Variants in CPNE3 observed in about 807,000 individuals in gnomAD.
CPNE3 encodes copine 3, also known as copine-3.
CPNE3 carries 68 observed loss-of-function variants against 63.9 expected under a neutral mutation model. The observed-to-expected ratio is 1.06, with a 90% CI of 0.87 to 1.30. The LOEUF is 1.30. Among genes scored for constraint, CPNE3 ranks in the 50% most tolerant of loss-of-function variants. The probability of loss-of-function intolerance (pLI) is 0.00; values close to 1 mark genes in which losing one functional copy is unlikely to be tolerated. For synonymous variants in CPNE3, 219 were observed against 197.5 expected, an observed-to-expected ratio of 1.11 and a Z score of -0.91; for missense variants, 665 against 578.1, an observed-to-expected ratio of 1.15 and a Z score of -1.54.
At chr8:86,536,734 A>C (rs2131460082) in intron 6 of CPNE3, among the ~76,000 whole-genome samples, 1 of 152,332 alleles carries the variant, frequency 6.6e-6, no homozygotes, top group East Asian at 1.9e-4. Context: ...ACGAGTATGC[A>C]CATTTCAAAA....
intron 6 of CPNE3, among the ~76,000 whole-genome samples, chr8:86,533,936 G>C (rs1285174047): frequency 6.6e-6 from 1 of 151,582 alleles, no homozygotes; most frequent in African/African-American, 2.4e-5. Context: ...TTATTCAATG[G>C]AGAAAACTGA....
chr8:86,540,970 G>C (rs1268929668), intron 8 of CPNE3, among the ~76,000 whole-genome samples: 1 of 152,096 alleles, frequency 6.6e-6, no homozygotes, highest in Non-Finnish European at 1.5e-5. Context: ...GTGGTGTTGA[G>C]AATGAAAAAT....
chr8:86,526,753 C>A (rs1434356937), intron 2 of CPNE3, among the ~76,000 whole-genome samples: 1 of 152,178 alleles, frequency 6.6e-6, no homozygotes, highest in Non-Finnish European at 1.5e-5. Flanking sequence ...CTCAAGTGAT[C>A]CACCTGCCTT....
In CPNE3 at chr8:86,558,688, G is replaced by A. The variant is rs934081683; in HGVS notation, c.*278G>A. ...TAGTGTGGGGAAAGCTTATTCTGTTGTTGTTTTTGTTTACTTTCATATGAT... is the reference window on the plus strand; with the variant it reads ...TAGTGTGGGGAAAGCTTATTCTGTTATTGTTTTTGTTTACTTTCATATGAT... On this transcript the variant is annotated 3_prime_UTR_variant, in exon 17 of 17. Transcript: ENST00000517490. 9 of 341,214 alleles carry A rather than the reference G, an allele frequency of 2.6e-5. No homozygotes were observed. Among genetic ancestry groups the A allele is most frequent in the African/African-American group, 1.5e-4 (7 of 48,164 alleles). 21.1% of individuals were successfully genotyped at this position (341,214 alleles called of 1,614,324 possible).
intron 2 of CPNE3, among the ~76,000 whole-genome samples, chr8:86,517,519 A>G (rs1219896198): frequency 1.3e-5 from 2 of 152,186 alleles, no homozygotes; most frequent in Non-Finnish European, 2.9e-5. Context: ...GTAAAGAGGA[A>G]CTTACTTATC....
chr8:86,523,349 A>T (rs116579976), intron 2 of CPNE3, among the ~76,000 whole-genome samples: 1,783 of 152,218 alleles, frequency 0.012, 44 homozygotes, highest in African/African-American at 0.041. Flanking sequence ...ACACACGCTG[A>T]CTCCAGCATT....
At chr8:86,519,696 A>AT (rs1476955421) in intron 2 of CPNE3, among the ~76,000 whole-genome samples, 10 of 152,048 alleles carry the variant, frequency 6.6e-5, no homozygotes, top group Non-Finnish European at 1.2e-4. Flanking sequence ...TTCTAGATAC[A>AT]TTTTTTTCAG....
intron 12 of CPNE3, among the ~76,000 whole-genome samples, chr8:86,549,985 C>T (rs995742443): frequency 9.2e-5 from 14 of 152,164 alleles, no homozygotes; most frequent in African/African-American, 2.4e-4. Flanking sequence ...TGGATATTGC[C>T]GGAGAGCAGC....
At chr8:86,523,837 C>T (rs553648075) in intron 2 of CPNE3, among the ~76,000 whole-genome samples, 1 of 152,300 alleles carries the variant, frequency 6.6e-6, no homozygotes, top group East Asian at 1.9e-4. Flanking sequence ...ATCCCCCTAC[C>T]TCGCCCACCC....
At position 86,544,756 on chromosome 8, in the gene CPNE3, A is replaced by G; in HGVS notation, c.650A>G (p.Tyr217Cys). The G allele has an allele frequency of 1.3e-6, 2 of 1,532,104 alleles. No homozygotes were observed. Among genetic ancestry groups the G allele is most frequent in the Non-Finnish European group, 1.8e-6 (2 of 1,136,166 alleles). 94.9% of individuals were successfully genotyped at this position (1,532,104 alleles called of 1,614,324 possible). Residue 217 changes from tyrosine (Y) to cysteine (C), a missense_variant, in exon 9 of 17, where the codon TAT (tyrosine) becomes TGT (cysteine). Transcript: ENST00000517490. Reference sequence around the variant, plus strand: ...TAATTTCAGGTGGAGTGTTATGATTATGACAATGATGGGTCACATGATCTC... The same window carrying G: ...TAATTTCAGGTGGAGTGTTATGATTGTGACAATGATGGGTCACATGATCTC... The part of the protein sequence containing the change: ...DKTIKVECYD[Y>C]DNDGSHDLIG...
At chr8:86,536,665 A>T (rs1820809818) in intron 6 of CPNE3, among the ~76,000 whole-genome samples, 1 of 152,184 alleles carries the variant, frequency 6.6e-6, no homozygotes, top group African/African-American at 2.4e-5. Context: ...ATCTGCATAT[A>T]TTCCTGTGGG....
intron 2 of CPNE3, among the ~76,000 whole-genome samples, chr8:86,517,503 G>A (rs899340587): frequency 6.6e-6 from 1 of 152,102 alleles, no homozygotes; most frequent in Non-Finnish European, 1.5e-5. Flanking sequence ...AGAGGTACCT[G>A]CAACTGTAAA....
intron 4 of CPNE3, among the ~76,000 whole-genome samples, chr8:86,529,636 C>G (rs1352508623): frequency 6.6e-6 from 1 of 152,172 alleles, no homozygotes; most frequent in East Asian, 1.9e-4. Flanking sequence ...CTATCTGGTA[C>G]TTCTCACCAT....
chr8:86,556,940 T>G (rs910903280), intron 16 of CPNE3, among the ~76,000 whole-genome samples: 1 of 152,198 alleles, frequency 6.6e-6, no homozygotes, highest in African/African-American at 2.4e-5. Flanking sequence ...GGGATTGGCT[T>G]TTTTTCCACT....
rs1371420071 is a variant in CPNE3, at chr8:86,528,991, C to G, written c.179C>G (p.Ser60Cys). Reference protein sequence around the residue: ...RIKNCLNPQFSKTFIIDYYFE... With the variant: ...RIKNCLNPQFCKTFIIDYYFE... ...AAGAATTGCTTGAATCCCCAATTTT[C>G]CAAGACATTTATTATTGATTACTAC... is the stretch of plus-strand genomic sequence containing the variant. Residue 60 changes from serine to cysteine, a missense_variant, in exon 4 of 17, where the codon TCC becomes TGC. Physicochemically the swap from Ser to Cys is moderately radical, Grantham distance 112. Transcript: ENST00000517490. 3.1e-6 allele frequency: 5 copies of G among 1,613,568 alleles called. No homozygotes were observed. In the African/African-American group the frequency reaches 6.7e-5, roughly 22 times the overall value.
intron 8 of CPNE3, among the ~76,000 whole-genome samples, chr8:86,541,907 T>C (rs1563694715): frequency 6.6e-6 from 1 of 152,192 alleles, no homozygotes; most frequent in Admixed American, 6.5e-5. Context: ...CTTTTGCTTT[T>C]CATATTAAAA....
At chr8:86,539,159 A>G (rs1820871675) in intron 7 of CPNE3, among the ~76,000 whole-genome samples, 1 of 152,118 alleles carries the variant, frequency 6.6e-6, no homozygotes, top group Non-Finnish European at 1.5e-5. Flanking sequence ...TATTTAACTC[A>G]TTATTGTATT....
At chr8:86,531,511 A>G (rs1156608948) in intron 5 of CPNE3, among the ~76,000 whole-genome samples, 1 of 152,160 alleles carries the variant, frequency 6.6e-6, no homozygotes, top group Non-Finnish European at 1.5e-5. Context: ...GGAAGTGTCT[A>G]TTCTTACGTG....
At chr8:86,552,185 T>C (rs1364946574) in intron 14 of CPNE3, among the ~76,000 whole-genome samples, 1 of 152,238 alleles carries the variant, frequency 6.6e-6, no homozygotes, top group East Asian at 1.9e-4. Context: ...TACAAATGTA[T>C]AGCTTTCTAA....
Sources: allele counts gnomAD v4.1 joint callset (sites outside exome capture counted in the v4.1 genomes callset), GRCh38; gene constraint gnomAD v4.1.1; transcripts MANE v1.5; gene names NCBI Gene and HGNC (gene_info 2026-07-23, HGNC 2026-07-21).